RNF4: variants seen among roughly 807,000 people sequenced by gnomAD.
RNF4 encodes E3 ubiquitin-protein ligase RNF4.
A neutral mutation model predicts 24.3 loss-of-function variants in RNF4; 7 were observed. That is an observed-to-expected ratio of 0.29 (90% CI 0.16 to 0.54). The LOEUF (loss-of-function observed/expected upper bound fraction) is 0.54. Ranked by LOEUF, RNF4 falls within the 20% of genes least tolerant of loss-of-function variation. The probability of loss-of-function intolerance (pLI) is 0.95; values close to 1 mark genes in which losing one functional copy is unlikely to be tolerated. For missense variants in RNF4, 209 were observed against 248.5 expected (o/e 0.84, Z 1.07); for synonymous variants, 83 against 84.3 (o/e 0.98, Z 0.09).
chr4:2,511,807 CTG>C, intron 4 of RNF4, 147 bp from the exon 5 acceptor site: 1 of 737,714 alleles, frequency 1.4e-6, no homozygotes, highest in South Asian at 1.7e-5. Context: ...CACAGATCCT[CTG>C]TGGGTGGGAG....
intron 4 of RNF4, among the ~76,000 whole-genome samples, chr4:2,502,855 A>G (rs1037187500): frequency 1.3e-5 from 2 of 151,342 alleles, no homozygotes; most frequent in African/African-American, 4.9e-5. Flanking sequence ...AAAAAAAAAA[A>G]AAAGAAAAGA....
intron 1 of RNF4, among the ~76,000 whole-genome samples, chr4:2,478,383 A>G (rs1342906286): frequency 1.3e-5 from 2 of 152,216 alleles, no homozygotes; most frequent in African/African-American, 2.4e-5. Flanking sequence ...GTTAATCCCC[A>G]AGACAGTGGG....
intron 1 of RNF4, among the ~76,000 whole-genome samples, chr4:2,487,633 G>A (rs1292876950): frequency 5.3e-5 from 8 of 152,036 alleles, no homozygotes; most frequent in Admixed American, 5.2e-4. Context: ...TGTTAACCAA[G>A]CTAGTTTCCA....
chr4:2,483,242 G>A (rs938600765), intron 1 of RNF4, among the ~76,000 whole-genome samples: 9 of 152,168 alleles, frequency 5.9e-5, no homozygotes, highest in African/African-American at 1.9e-4. Flanking sequence ...TGATAGAGCT[G>A]CCTTCTGGGT....
At position 2,512,139 on chromosome 4, in the gene RNF4, G is replaced by A. The variant is rs1407511823; in HGVS notation, c.214+174G>A. 3.0e-6 allele frequency: 2 copies of A among 662,962 alleles called. No homozygotes were observed. Among genetic ancestry groups the A allele is most frequent in the Non-Finnish European group, 5.2e-6 (2 of 382,592 alleles). The allele number at this position is 662,962 out of a possible 1,614,324, so 41.1% of individuals were successfully genotyped here. A position where few individuals can be genotyped will look rare whatever the true frequency, so the allele number is the denominator to read the frequency against. ...CACACAGCCAGTCCCCCTTGTGCCT[G>A]CTGAAGAAACTTCACCACTATCATT... is the stretch of plus-strand genomic sequence containing the variant. On this transcript the variant is annotated intron_variant, in intron 5 of 7. Transcript: ENST00000314289. The surrounding 1 kb of genome is among the most constrained non-coding windows in gnomAD (Gnocchi z 4.1).
chr4:2,494,456 C>G (rs1006288382), intron 2 of RNF4: 1 of 149,050 alleles, frequency 6.7e-6, no homozygotes, highest in Non-Finnish European at 1.5e-5. Context: ...GGGGTCACTG[C>G]AAGCTCCACC....
Position 2,512,336 on chromosome 4 carries a change from C to A in RNF4, c.215-102C>A. The stretch of plus-strand genomic sequence containing the variant: ...GGCAGCAGTTTGTCTCTGGGGGTCC[C>A]AGGCAGGGAAGGAAGAGGGTCTTAA... On this transcript the variant is annotated intron_variant, in intron 5 of 7. Transcript: ENST00000314289. The surrounding 1 kb of genome is among the most constrained non-coding windows in gnomAD (Gnocchi z 4.1). The A allele has an allele frequency of 7.2e-7, 1 of 1,384,178 alleles. No individual in the cohort carries two copies. Among genetic ancestry groups the A allele is most frequent in the Non-Finnish European group, 1.0e-6 (1 of 998,792 alleles). 85.7% of individuals were successfully genotyped at this position (1,384,178 alleles called of 1,614,324 possible).
chr4:2,494,093 G>T (rs1328158113), intron 2 of RNF4, among the ~76,000 whole-genome samples: 1 of 152,086 alleles, frequency 6.6e-6, no homozygotes, highest in Non-Finnish European at 1.5e-5. Context: ...CACGAGAATG[G>T]GGTAAATATT....
intron 1 of RNF4, among the ~76,000 whole-genome samples, chr4:2,474,236 G>A (rs1734999667): frequency 6.6e-6 from 1 of 151,970 alleles, no homozygotes; most frequent in African/African-American, 2.4e-5. Context: ...AAATTAGCCA[G>A]GTGTGGTGGC....
intron 4 of RNF4, among the ~76,000 whole-genome samples, chr4:2,508,579 T>TTTTTG (rs201056524): frequency 5.9e-5 from 9 of 152,052 alleles, no homozygotes; most frequent in East Asian, 3.9e-4. Context: ...GTTTGTTTGG[T>TTTTTG]TTTTGTTTTG....
At chr4:2,513,216 G>T in intron 7 of RNF4, 85 bp downstream of exon 7, 1 of 1,319,818 alleles carries the variant, frequency 7.6e-7, no homozygotes, top group Admixed American at 1.7e-5. Context: ...TTCCCCCTCG[G>T]TGGGATTGGA....
intron 1 of RNF4, among the ~76,000 whole-genome samples, chr4:2,473,388 A>C (rs1216909817): frequency 2.0e-4 from 30 of 152,174 alleles, no homozygotes; most frequent in Admixed American, 2.0e-3. Flanking sequence ...TCTTAAAAAA[A>C]AAAATCAATT....
intron 2 of RNF4, among the ~76,000 whole-genome samples, chr4:2,495,644 G>GGGC (rs1735712826): frequency 1.3e-5 from 2 of 148,666 alleles, no homozygotes; most frequent in South Asian, 4.4e-4. Flanking sequence ...TTTTTTGGGG[G>GGGC]GGGGTGAGAT....
chr4:2,510,998 GT>G (rs1736256463), intron 4 of RNF4, among the ~76,000 whole-genome samples: 1 of 152,212 alleles, frequency 6.6e-6, no homozygotes, highest in Non-Finnish European at 1.5e-5. Context: ...TTCTCTGTTA[GT>G]TACTTGTAAC....
At chr4:2,499,341 G>T (rs1309872183) in intron 3 of RNF4, 3 of 447,316 alleles carry the variant, frequency 6.7e-6, no homozygotes, top group Non-Finnish European at 1.3e-5. Flanking sequence ...GCCCAGGCTG[G>T]GGTGCAGTGG....
chr4:2,512,648 G>C lies in RNF4; in HGVS notation c.374+51G>C. 6 of 1,595,838 alleles carry C rather than the reference G, an allele frequency of 3.8e-6. No individual in the cohort carries two copies. The highest frequency in any genetic ancestry group is 3.4e-6 in the Non-Finnish European group (4 of 1,169,928). On this transcript the variant is annotated intron_variant, in intron 6 of 7. Coordinates refer to ENST00000314289, the MANE Select transcript of RNF4 (RefSeq NM_002938.5). The surrounding 1 kb of genome is among the most constrained non-coding windows in gnomAD (Gnocchi z 4.1). Reference sequence around the variant, plus strand: ...GCCGCCATGCTAGGATGTGGGGCCAGGGCATGGGAATACTTTTCAGCAAAT... The same window carrying C: ...GCCGCCATGCTAGGATGTGGGGCCACGGCATGGGAATACTTTTCAGCAAAT...
rs771890474 is a variant in RNF4 at position 2,514,202 on chromosome 4, G to A, written c.*383G>A. 2.5e-4 allele frequency: 58 copies of A among 230,888 alleles called. No homozygotes were observed. Among genetic ancestry groups the A allele is most frequent in the Non-Finnish European group, 4.7e-4 (54 of 114,450 alleles). The allele number at this position is 230,888 out of a possible 1,614,324, so 14.3% of individuals were successfully genotyped here. ...CTTTTGTCCCAAGTGTCTGCCGGTC[G>A]ACCAATCTGCCTGCCACACATTGAC... is the stretch of plus-strand genomic sequence containing the variant. On this transcript the variant is annotated 3_prime_UTR_variant, in exon 8 of 8. Coordinates refer to ENST00000314289, the MANE Select transcript of RNF4 (RefSeq NM_002938.5).
intron 1 of RNF4, among the ~76,000 whole-genome samples, chr4:2,478,802 G>A (rs1290794978): frequency 6.6e-6 from 1 of 152,228 alleles, no homozygotes; most frequent in Non-Finnish European, 1.5e-5. Flanking sequence ...GGAAATGTGG[G>A]GTTGGAGCCC....
At chr4:2,482,133 G>C (rs899417812) in intron 1 of RNF4, among the ~76,000 whole-genome samples, 2 of 152,182 alleles carry the variant, frequency 1.3e-5, no homozygotes, top group African/African-American at 4.8e-5. Context: ...CTCTCTTTAG[G>C]AGCCCGGAGC....
Sources: allele counts gnomAD v4.1 joint callset (sites outside exome capture counted in the v4.1 genomes callset), GRCh38; gene constraint gnomAD v4.1.1; non-coding constraint Gnocchi (gnomAD v3.1); transcripts MANE v1.5; gene names NCBI Gene and HGNC (gene_info 2026-07-23, HGNC 2026-07-21).